Variants in BTN2A1 observed in about 807,000 individuals in gnomAD.
BTN2A1 encodes butyrophilin subfamily 2 member A1.
BTN2A1 carries 41 observed loss-of-function variants against 34.5 expected under a neutral mutation model. That is an observed-to-expected ratio of 1.19 (90% CI 0.93 to 1.54). BTN2A1 has a LOEUF of 1.54. Ranked by LOEUF, BTN2A1 falls within the 40% of genes most tolerant of loss-of-function variation. BTN2A1 has a pLI of 0.00. For missense variants in BTN2A1, 642 were observed against 662.0 expected (o/e 0.97, Z 0.33); for synonymous variants, 267 against 258.6 (o/e 1.03, Z -0.31).
intron 5 of BTN2A1, chr6:26,465,715 C>G: frequency 1.6e-6 from 1 of 642,934 alleles, no homozygotes; most frequent in Non-Finnish European, 1.9e-6. Flanking sequence ...GCCCACCTTG[C>G]ATTCATTCAT....
At chr6:26,462,956 G>A (rs1461074102) in intron 3 of BTN2A1, 1 of 1,244,440 alleles carries the variant, frequency 8.0e-7, no homozygotes, top group South Asian at 1.3e-5. Flanking sequence ...ACAGATAGAT[G>A]CTTGGTGCTG....
intron 7 of BTN2A1, among the ~76,000 whole-genome samples, chr6:26,474,795 G>A (rs1763510849): frequency 6.7e-6 from 1 of 149,632 alleles, no homozygotes; most frequent in Admixed American, 6.7e-5. Context: ...TGTTGCCCAG[G>A]CTGGAGTGCA....
At chr6:26,473,915 T>C (rs1217129610), downstream of BTN2A1, among the ~76,000 whole-genome samples, 4 of 152,208 alleles carry the variant, frequency 2.6e-5, no homozygotes, top group Admixed American at 6.5e-5. Flanking sequence ...GCCCAGCAAC[T>C]GATGAGAAAT....
intron 7 of BTN2A1, chr6:26,467,737 A>T: frequency 6.3e-7 from 1 of 1,591,680 alleles, no homozygotes. Flanking sequence ...TTCTTCTCAA[A>T]CTGAGAGAAC....
chr6:26,467,739 T>C (rs749202987), intron 7 of BTN2A1: 2 of 1,592,804 alleles, frequency 1.3e-6, no homozygotes, highest in Admixed American at 1.8e-5. Flanking sequence ...CTTCTCAAAC[T>C]GAGAGAACTG....
chr6:26,465,216 A>G lies in BTN2A1; in HGVS notation c.744A>G (p.Ala248=). Residue 248 remains alanine (A), a synonymous_variant, in exon 5 of 8, where the codon GCA becomes GCG. Transcript: ENST00000312541. ...ESFMPSVSPC[A]VALPIIVVIL... The stretch of plus-strand genomic sequence containing the variant: ...TTATGCCCAGTGTGTCTCCCTGTGC[A>G]GTGGCCCTGCCTATCATTGTGGTTA... 1 of 1,614,168 alleles carries G rather than the reference A, an allele frequency of 6.2e-7. No individual in the cohort carries two copies. Among genetic ancestry groups the G allele is most frequent in the Non-Finnish European group, 8.5e-7 (1 of 1,179,996 alleles).
chr6:26,476,208 G>A (rs1047235112), exon 8 of BTN2A1: 2 of 1,519,382 alleles, frequency 1.3e-6, no homozygotes, highest in South Asian at 1.2e-5. Flanking sequence ...ATCTCCACTG[G>A]AGAGAAGACA....
In BTN2A1 at chr6:26,468,033, G is replaced by T. The variant is rs1207805500; in HGVS notation, c.1068G>T (p.Arg356Ser). Residue 356 changes from arginine to serine, a missense_variant, in exon 8 of 8, where the codon AGG (arginine) becomes AGT (serine). Coordinates refer to ENST00000312541, the MANE Select transcript of BTN2A1 (RefSeq NM_007049.5). ...GAAGTGTGAGAAGGTGCCCCTTCAG[G>T]CACCTAGGGGAGAGCGTGCCTGACA... ...DRRSVRRCPF[R>S]HLGESVPDNP... The T allele has an allele frequency of 6.2e-7, 1 of 1,614,084 alleles. No individual in the cohort carries two copies. The highest frequency in any genetic ancestry group is 2.2e-5 in the East Asian group (1 of 44,898).
intron 4 of BTN2A1, among the ~76,000 whole-genome samples, chr6:26,463,950 G>A (rs764533003): frequency 6.6e-5 from 10 of 151,968 alleles, no homozygotes; most frequent in Non-Finnish European, 1.0e-4. Flanking sequence ...ACAGGCACAC[G>A]CCACCACACC....
exon 8 of BTN2A1, chr6:26,476,203 C>T (rs913059280): frequency 1.3e-6 from 2 of 1,526,190 alleles, no homozygotes; most frequent in East Asian, 2.4e-5. Flanking sequence ...TGAAAATCTC[C>T]ACTGGAGAGA....
At chr6:26,476,072 A>T in intron 7 of BTN2A1, 1 of 1,438,060 alleles carries the variant, frequency 7.0e-7, no homozygotes, top group Non-Finnish European at 9.5e-7. Flanking sequence ...GCTCATTTAT[A>T]TGCAACCCAT....
chr6:26,465,852 G>T (rs1763298635), intron 5 of BTN2A1, 101 bp from the exon 6 acceptor site: 1 of 1,580,228 alleles, frequency 6.3e-7, no homozygotes, highest in African/African-American at 1.3e-5. Flanking sequence ...GAAGGGAGAT[G>T]TTGCTGTTCA....
chr6:26,474,064 T>C (rs563644018), downstream of BTN2A1, among the ~76,000 whole-genome samples: 1 of 152,386 alleles, frequency 6.6e-6, no homozygotes, highest in African/African-American at 2.4e-5. Context: ...ATAATTGTGT[T>C]AAATTAAACT....
chr6:26,463,227 C>T lies in BTN2A1; in HGVS notation c.431-17C>T, dbSNP rs748687268. 1.3e-6 allele frequency: 2 copies of T among 1,556,956 alleles called. No individual in the cohort carries two copies. Among genetic ancestry groups the T allele is most frequent in the Non-Finnish European group, 1.7e-6 (2 of 1,154,420 alleles). On this transcript the variant is annotated splice_polypyrimidine_tract_variant and intron_variant, in intron 3 of 7. Transcript: ENST00000312541. Reference sequence around the variant, plus strand: ...AAAGGCACTGACTTTTGCCTGAACCCTGATATCTCTCCACAGGACTAGGCT... The same window carrying T: ...AAAGGCACTGACTTTTGCCTGAACCTTGATATCTCTCCACAGGACTAGGCT...
intron 3 of BTN2A1, among the ~76,000 whole-genome samples, chr6:26,460,463 G>A (rs1487169965): frequency 6.6e-6 from 1 of 152,180 alleles, no homozygotes; most frequent in East Asian, 1.9e-4. Flanking sequence ...TATAGTTCCT[G>A]CTAACTCCAT....
chr6:26,473,544 C>A (rs909031661), downstream of BTN2A1, among the ~76,000 whole-genome samples: 3 of 152,150 alleles, frequency 2.0e-5, no homozygotes, highest in African/African-American at 7.2e-5. Flanking sequence ...TTCATACTTT[C>A]ATTTGGCTCT....
At chr6:26,473,484 T>G (rs1420072169), downstream of BTN2A1, among the ~76,000 whole-genome samples, 2 of 152,210 alleles carry the variant, frequency 1.3e-5, no homozygotes, top group Non-Finnish European at 2.9e-5. Flanking sequence ...ATCTGAGACC[T>G]GAATTTTGGA....
At chr6:26,473,855 A>G (rs1413995412), downstream of BTN2A1, among the ~76,000 whole-genome samples, 2 of 148,778 alleles carry the variant, frequency 1.3e-5, no homozygotes, top group East Asian at 3.9e-4. Flanking sequence ...GTCAATGTGT[A>G]CAATTCAATA....
chr6:26,471,681 A>C (rs983221480), downstream of BTN2A1, among the ~76,000 whole-genome samples: 1 of 152,204 alleles, frequency 6.6e-6, no homozygotes, highest in Non-Finnish European at 1.5e-5. Flanking sequence ...GAAGGAAGGA[A>C]GGAAGGAAAA....
Sources: allele counts gnomAD v4.1 joint callset (sites outside exome capture counted in the v4.1 genomes callset), GRCh38; gene constraint gnomAD v4.1.1; transcripts MANE v1.5; gene names NCBI Gene and HGNC (gene_info 2026-07-23, HGNC 2026-07-21).